The following EYA4 variants were observed in gnomAD, a reference collection of about 807,000 sequenced individuals.
The protein encoded by EYA4 is protein phosphatase EYA4.
Under a neutral mutation model 87.9 loss-of-function variants are expected in EYA4, and 31 were observed. The observed-to-expected ratio is 0.35, with a 90% CI of 0.27 to 0.48. EYA4 has a LOEUF of 0.48. Ranked by LOEUF, EYA4 falls within the 20% of genes least tolerant of loss-of-function variation. EYA4 has a pLI of 0.99. For synonymous variants in EYA4, 263 were observed against 270.6 expected (o/e 0.97, Z 0.28); for missense variants, 678 against 761.4 (o/e 0.89, Z 1.29).
intron 2 of EYA4, among the ~76,000 whole-genome samples, chr6:133,350,592 C>T (rs1237113200): frequency 6.6e-6 from 1 of 151,988 alleles, no homozygotes; most frequent in Non-Finnish European, 1.5e-5. Flanking sequence ...GCAAACTGGA[C>T]AGAGGGGCTG....
intron 1 of EYA4, among the ~76,000 whole-genome samples, chr6:133,271,822 G>T (rs1470054338): frequency 6.6e-6 from 1 of 152,114 alleles, no homozygotes; most frequent in Non-Finnish European, 1.5e-5. Context: ...TCCACAGAAT[G>T]GGTCATCCTA....
intron 13 of EYA4, among the ~76,000 whole-genome samples, chr6:133,487,502 G>T (rs1372913386): frequency 1.3e-5 from 2 of 152,168 alleles, no homozygotes; most frequent in Non-Finnish European, 2.9e-5. Flanking sequence ...AGAGGAAAGA[G>T]TAAAGAGGAA....
At chr6:133,392,494 C>G (rs1158109589) in intron 3 of EYA4, among the ~76,000 whole-genome samples, 2 of 152,062 alleles carry the variant, frequency 1.3e-5, no homozygotes, top group Non-Finnish European at 2.9e-5. Flanking sequence ...GATGACAGAT[C>G]AACCGTGACT....
chr6:133,303,552 C>T lies in EYA4; in HGVS notation c.33+28739C>T, dbSNP rs898050779. 3.3e-5 allele frequency among the ~76,000 whole-genome samples: 5 copies of T among 152,072 alleles called. No homozygotes were observed. In the South Asian group the frequency reaches 6.2e-4, roughly 19 times the overall value. On this transcript the variant is annotated intron_variant, in intron 2 of 19. Transcript: ENST00000355286. Reference sequence around the variant, plus strand: ...TGTGACTGGGCTCCTTTCTTTCCTTCGTTTCTGCCTTCCTCTATTTCTGGG... The same window carrying T: ...TGTGACTGGGCTCCTTTCTTTCCTTTGTTTCTGCCTTCCTCTATTTCTGGG...
At chr6:133,444,534 G>A (rs1792611166) in intron 3 of EYA4, among the ~76,000 whole-genome samples, 1 of 152,200 alleles carries the variant, frequency 6.6e-6, no homozygotes, top group South Asian at 2.1e-4. Flanking sequence ...GCTGGATTCA[G>A]AGACGTTGAT....
chr6:133,344,528 G>T (rs898110105), intron 2 of EYA4, among the ~76,000 whole-genome samples: 5 of 152,058 alleles, frequency 3.3e-5, no homozygotes, highest in Admixed American at 3.3e-4. Context: ...ATTTGATATG[G>T]TCCATTTATA....
intron 2 of EYA4, among the ~76,000 whole-genome samples, chr6:133,339,728 T>C (rs1276064632): frequency 2.0e-5 from 3 of 152,088 alleles, no homozygotes; most frequent in African/African-American, 7.2e-5. Flanking sequence ...GAAAACATTG[T>C]ATTTAGAGAG....
At chr6:133,398,244 T>C (rs1485641120) in intron 3 of EYA4, among the ~76,000 whole-genome samples, 1 of 152,242 alleles carries the variant, frequency 6.6e-6, no homozygotes, top group Non-Finnish European at 1.5e-5. Flanking sequence ...TTGCAAACCA[T>C]GTGAATTGAG....
chr6:133,519,588 C>A (rs887079238), intron 17 of EYA4, among the ~76,000 whole-genome samples: 4 of 151,316 alleles, frequency 2.6e-5, no homozygotes, highest in Admixed American at 2.6e-4. Context: ...TGGTACCATT[C>A]CTTCTGAAAC....
chr6:133,345,880 G>A (rs1783155792), intron 2 of EYA4, among the ~76,000 whole-genome samples: 1 of 152,218 alleles, frequency 6.6e-6, no homozygotes, highest in African/African-American at 2.4e-5. Flanking sequence ...GTGCTTAAGA[G>A]AAGGTAAGGA....
At chr6:133,285,450 G>C (rs1310238324) in intron 2 of EYA4, among the ~76,000 whole-genome samples, 1 of 152,230 alleles carries the variant, frequency 6.6e-6, no homozygotes, top group East Asian at 1.9e-4. Context: ...TGGTGGTAGT[G>C]ATGGGCAGAA....
At chr6:133,409,971 G>C (rs1156563392) in intron 3 of EYA4, among the ~76,000 whole-genome samples, 2 of 152,220 alleles carry the variant, frequency 1.3e-5, no homozygotes, top group East Asian at 3.9e-4. Context: ...TAAAATTTCT[G>C]TTCCCTTCTT....
chr6:133,286,878 T>C (rs1276619072), intron 2 of EYA4, among the ~76,000 whole-genome samples: 2 of 152,192 alleles, frequency 1.3e-5, no homozygotes, highest in Non-Finnish European at 2.9e-5. Flanking sequence ...TGTTGACATT[T>C]TGGGCCACAA....
At chr6:133,416,645 A>C (rs1417009915) in intron 3 of EYA4, among the ~76,000 whole-genome samples, 3 of 152,258 alleles carry the variant, frequency 2.0e-5, no homozygotes, top group Non-Finnish European at 4.4e-5. Context: ...TTGATATCAT[A>C]GAAGAGCAAA....
chr6:133,445,166 T>C (rs946235092), intron 3 of EYA4, among the ~76,000 whole-genome samples: 1 of 152,140 alleles, frequency 6.6e-6, no homozygotes. Context: ...TAACCTCTTA[T>C]CCAAGTTTAA....
chr6:133,335,976 T>C (rs749410964), intron 2 of EYA4, among the ~76,000 whole-genome samples: 128 of 152,266 alleles, frequency 8.4e-4, no homozygotes, highest in Non-Finnish European at 1.4e-3. Flanking sequence ...AACATAATGA[T>C]TGTGATTTAT....
intron 3 of EYA4, among the ~76,000 whole-genome samples, chr6:133,418,673 G>C: frequency 6.6e-6 from 1 of 152,278 alleles, no homozygotes; most frequent in African/African-American, 2.4e-5. Flanking sequence ...TTAAGGTTTT[G>C]TGCAACATGA....
At chr6:133,379,941 A>G (rs911039813) in intron 2 of EYA4, among the ~76,000 whole-genome samples, 8 of 152,096 alleles carry the variant, frequency 5.3e-5, no homozygotes, top group Non-Finnish European at 1.0e-4. Context: ...TAAATTCCAA[A>G]TTCTTTACCG....
chr6:133,287,447 C>G (rs1044932714), intron 2 of EYA4, among the ~76,000 whole-genome samples: 3 of 152,176 alleles, frequency 2.0e-5, no homozygotes, highest in Admixed American at 1.3e-4. Context: ...TAAGGCCTGC[C>G]TAGGACTGTG....
Sources: gnomAD v4.1 joint callset for allele counts (sites outside exome capture counted in the v4.1 genomes callset) on GRCh38, gnomAD v4.1.1 for gene constraint, MANE v1.5 for transcripts, NCBI Gene and HGNC (gene_info 2026-07-23, HGNC 2026-07-21) for gene names.